The following MYO5C variants were observed in gnomAD, a reference collection of about 807,000 sequenced individuals.
MYO5C encodes the protein myosin VC, also known as unconventional myosin-Vc.
A neutral mutation model predicts 235.7 loss-of-function variants in MYO5C; 194 were observed. The ratio of observed to expected loss-of-function variants is 0.82; its 90% CI spans 0.73 to 0.93. The LOEUF (loss-of-function observed/expected upper bound fraction) is 0.93. Among genes scored for constraint, MYO5C ranks in the 40% least tolerant of loss-of-function variants. The pLI, the probability that MYO5C is intolerant of heterozygous loss-of-function variation, is 0.00. For synonymous variants in MYO5C, 707 were observed against 754.8 expected (o/e 0.94, Z 1.04); for missense variants, 2,038 against 2,127.2 (o/e 0.96, Z 0.82).
intron 10 of MYO5C, among the ~76,000 whole-genome samples, chr15:52,258,694 C>A (rs543673308): frequency 6.6e-6 from 1 of 152,280 alleles, no homozygotes; most frequent in East Asian, 1.9e-4. Context: ...AGCCCTGCTG[C>A]CTAGAGGAAA....
intron 38 of MYO5C, among the ~76,000 whole-genome samples, chr15:52,202,928 G>GA (rs1555411278): frequency 1.4e-5 from 2 of 146,084 alleles, no homozygotes; most frequent in East Asian, 4.0e-4. Flanking sequence ...ATTTTTTTTT[G>GA]TTTTTTTTTT....
chr15:52,274,203 G>A (rs1039046469), intron 5 of MYO5C, among the ~76,000 whole-genome samples: 4 of 152,186 alleles, frequency 2.6e-5, no homozygotes, highest in African/African-American at 9.7e-5. Context: ...TTCATGGAGT[G>A]TGCAGTCTAG....
At chr15:52,256,111 A>T (rs1210970420) in intron 11 of MYO5C, among the ~76,000 whole-genome samples, 4 of 152,228 alleles carry the variant, frequency 2.6e-5, no homozygotes, top group African/African-American at 9.6e-5. Context: ...GACCAAGTCT[A>T]TTTGGAAACT....
chr15:52,229,470 A>G (rs2035903606), intron 24 of MYO5C, among the ~76,000 whole-genome samples, 157 bp from the exon 25 acceptor site: 1 of 152,122 alleles, frequency 6.6e-6, no homozygotes, highest in African/African-American at 2.4e-5. Context: ...CTAAAAATAC[A>G]AAAATTAGTC....
intron 20 of MYO5C, among the ~76,000 whole-genome samples, chr15:52,241,782 C>A (rs373693557): frequency 6.6e-6 from 1 of 152,034 alleles, no homozygotes; most frequent in Non-Finnish European, 1.5e-5. Flanking sequence ...CCCTCTGTCA[C>A]CCACGCAGGC....
intron 15 of MYO5C, 70 bp downstream of exon 15, chr15:52,247,388 C>G (rs1596188862): frequency 3.2e-6 from 5 of 1,552,728 alleles, no homozygotes; most frequent in African/African-American, 2.8e-5. Flanking sequence ...TGCGGGTCCT[C>G]TGAGTGCCCT....
chr15:52,224,413 C>T (rs1417238288), intron 28 of MYO5C, among the ~76,000 whole-genome samples: 1 of 152,120 alleles, frequency 6.6e-6, no homozygotes, highest in Non-Finnish European at 1.5e-5. Flanking sequence ...CTTGAGGTGA[C>T]AGTGGCGTGT....
chr15:52,293,773 C>G (rs1417930292), intron 1 of MYO5C, among the ~76,000 whole-genome samples: 1 of 152,210 alleles, frequency 6.6e-6, no homozygotes, highest in Non-Finnish European at 1.5e-5. Context: ...CTCTCCTCCA[C>G]AGCCCAAGGG....
At chr15:52,211,698 T>C (rs34276836) in intron 35 of MYO5C, 32 bp downstream of exon 35, 303,458 of 1,603,324 alleles carry the variant, frequency 0.19, 30,427 homozygotes, top group Admixed American at 0.34. Context: ...ATAGATGTGA[T>C]ACCAGGGGCC....
intron 9 of MYO5C, among the ~76,000 whole-genome samples, chr15:52,263,434 G>C (rs993730689): frequency 2.0e-5 from 3 of 152,078 alleles, no homozygotes; most frequent in African/African-American, 7.2e-5. Context: ...TTCCCAGGAA[G>C]CCAGCACCAC....
intron 25 of MYO5C, among the ~76,000 whole-genome samples, chr15:52,228,307 C>A: frequency 6.6e-6 from 1 of 152,160 alleles, no homozygotes; most frequent in Non-Finnish European, 1.5e-5. Flanking sequence ...CCACGCCCAG[C>A]CAATTTTTGT....
chr15:52,244,569 TG>T lies in MYO5C; in HGVS notation c.2179-3del. On this transcript the variant is annotated splice_region_variant and splice_polypyrimidine_tract_variant and intron_variant, in intron 18 of 40. Coordinates refer to ENST00000261839, the MANE Select transcript of MYO5C (RefSeq NM_018728.4). Reference sequence around the variant, plus strand: ...ACCAAACTGGTACTGATTAGAATCCTGGAAGAGAAAAATGATATAGTTAGAA... The same window carrying T: ...ACCAAACTGGTACTGATTAGAATCCTGAAGAGAAAAATGATATAGTTAGAA... 1 of 1,589,608 alleles carries T rather than the reference TG, an allele frequency of 6.3e-7. No individual in the cohort carries two copies. Among genetic ancestry groups the T allele is most frequent in the Non-Finnish European group, 8.6e-7 (1 of 1,161,682 alleles).
intron 1 of MYO5C, among the ~76,000 whole-genome samples, chr15:52,291,731 G>GTTTTTTTTTATTTTTT (rs2037392472): frequency 1.9e-5 from 1 of 52,562 alleles, no homozygotes; most frequent in African/African-American, 8.3e-5. Context: ...CATATTTTAT[G>GTTTTTTTTTATTTTTT]TTTTTTTTTT....
intron 35 of MYO5C, 65 bp downstream of exon 35, chr15:52,211,665 A>G (rs1334644728): frequency 6.5e-7 from 1 of 1,536,970 alleles, no homozygotes; most frequent in African/African-American, 1.4e-5. Flanking sequence ...GGATGGGCAA[A>G]GACTGGGCAT....
At chr15:52,244,684 T>A in intron 18 of MYO5C, 117 bp from the exon 19 acceptor site, 1 of 703,918 alleles carries the variant, frequency 1.4e-6, no homozygotes, top group Non-Finnish European at 2.3e-6. Context: ...TTTTGACATT[T>A]AAGGCAGAAA....
chr15:52,198,999 T>A (rs1420402940), intron 38 of MYO5C, among the ~76,000 whole-genome samples: 1 of 152,170 alleles, frequency 6.6e-6, no homozygotes, highest in Non-Finnish European at 1.5e-5. Context: ...GTTGACGCCA[T>A]TCTCCTGCCT....
rs1447576249 is a variant in MYO5C, at chr15:52,248,900, C to T, written c.1663-117G>A. ...AAAAAAGGCTACAGAGGCAATCTTA[C>T]AAAAAGACGTCTGGCTTCTGTGCAT... On this transcript the variant is annotated intron_variant, in intron 13 of 40. Transcript: ENST00000261839. The T allele has an allele frequency of 4.0e-5, 28 of 701,014 alleles. No homozygotes were observed. In the Admixed American group the frequency reaches 5.6e-4, roughly 14 times the overall value. The allele number at this position is 701,014 out of a possible 1,614,324, so 43.4% of individuals were successfully genotyped here.
rs145319351 is a variant in MYO5C at position 52,288,685 on chromosome 15, T to G, written c.28-5793A>C. Among the ~76,000 whole-genome samples the G allele has an allele frequency of 1.6e-4, 24 of 152,326 alleles. No individual in the cohort carries two copies. In the East Asian group the frequency reaches 4.4e-3, roughly 28 times the overall value. On this transcript the variant is annotated intron_variant, in intron 1 of 40. Transcript: ENST00000261839. ...CCAAACAGATGCAGTCCGCAGTTCA[T>G]GCAAACAATGTAACCAGCTGTCAAC...
chr15:52,202,926 T>TG (rs1211617930), intron 38 of MYO5C, among the ~76,000 whole-genome samples: 2 of 81,362 alleles, frequency 2.5e-5, no homozygotes, highest in Non-Finnish European at 7.4e-5. Flanking sequence ...AAATTTTTTT[T>TG]TGTTTTTTTT....
Sources: gnomAD v4.1 joint callset for allele counts (sites outside exome capture counted in the v4.1 genomes callset) on GRCh38, gnomAD v4.1.1 for gene constraint, MANE v1.5 for transcripts, NCBI Gene and HGNC (gene_info 2026-07-23, HGNC 2026-07-21) for gene names.